The following GAS7 variants were observed in gnomAD, a reference collection of about 807,000 sequenced individuals.
GAS7 encodes growth arrest specific 7, also known as growth arrest-specific protein 7.
Under a neutral mutation model 71.1 loss-of-function variants are expected in GAS7, and 28 were observed. The observed-to-expected ratio is 0.39, with a 90% CI of 0.29 to 0.54. The LOEUF (loss-of-function observed/expected upper bound fraction) is 0.54. Among genes scored for constraint, GAS7 ranks in the 20% least tolerant of loss-of-function variants. The probability of loss-of-function intolerance (pLI) is 0.62; values close to 1 mark genes in which losing one functional copy is unlikely to be tolerated. For missense variants in GAS7, 436 were observed against 627.8 expected (o/e 0.69, Z 3.27); for synonymous variants, 258 against 245.8 (o/e 1.05, Z -0.46).
chr17:9,930,790 G>A (rs557204618), intron 9 of GAS7, among the ~76,000 whole-genome samples: 1 of 152,328 alleles, frequency 6.6e-6, no homozygotes, highest in South Asian at 2.1e-4. Context: ...ATACATCCTT[G>A]GAGCCACTTT....
At chr17:10,175,234 A>G (rs532553817) in intron 1 of GAS7, among the ~76,000 whole-genome samples, 1 of 125,292 alleles carries the variant, frequency 8.0e-6, no homozygotes, top group Admixed American at 9.0e-5. Context: ...AAAATGGGAC[A>G]AGCAAACTGT....
Position 10,103,972 on chromosome 17 carries a change from C to T in GAS7, c.184-84075G>A, listed in dbSNP as rs1301573215. 6.6e-6 allele frequency among the ~76,000 whole-genome samples: 1 copy of T among 152,164 alleles called. No individual in the cohort carries two copies. Among genetic ancestry groups the T allele is most frequent in the African/African-American group, 2.4e-5 (1 of 41,430 alleles). ...CTCCCACAACAGTAACTCCTCCTAC[C>T]AAAGGCAACTTACCTGCTTTCTACC... On this transcript the variant is annotated intron_variant, in intron 1 of 13. Transcript: ENST00000432992. This position sits in a 1 kb window ranked among gnomAD's most constrained non-coding sequence, Gnocchi z 5.5.
At chr17:10,057,042 A>G (rs981741870) in intron 1 of GAS7, among the ~76,000 whole-genome samples, 57 of 152,172 alleles carry the variant, frequency 3.7e-4, no homozygotes, top group African/African-American at 1.3e-3. Flanking sequence ...GTGATCTGCC[A>G]GCCTCGGCCT....
chr17:10,183,269 C>T (rs2074429373), intron 1 of GAS7, among the ~76,000 whole-genome samples: 1 of 152,094 alleles, frequency 6.6e-6, no homozygotes, highest in Non-Finnish European at 1.5e-5. Context: ...TCATAAGACT[C>T]ACAAGTGATT....
rs771516970 is a variant in GAS7, at chr17:9,969,601, T to C, written c.471+76A>G. ...TGGGCTGCAGCCACCTGGACTCCCA[T>C]GATGGACTTTGTAATGCAGTTTCCT... On this transcript the variant is annotated intron_variant, in intron 4 of 13. Transcript: ENST00000432992. This position sits in a 1 kb window ranked among gnomAD's most constrained non-coding sequence, Gnocchi z 5.5. The C allele has an allele frequency of 9.2e-4, 816 of 891,286 alleles. 3 individuals carry two copies. The highest frequency in any genetic ancestry group is 1.4e-3 in the Non-Finnish European group (734 of 530,988). 55.2% of individuals were successfully genotyped at this position (891,286 alleles called of 1,614,324 possible).
chr17:9,925,331 G>GTA, intron 11 of GAS7, 145 bp downstream of exon 11: 1 of 782,226 alleles, frequency 1.3e-6, no homozygotes, highest in East Asian at 2.5e-5. Context: ...GGAAGAGGGG[G>GTA]TACCTCCTGG....
chr17:10,006,393 G>A (rs926294591), intron 2 of GAS7, among the ~76,000 whole-genome samples: 62 of 137,488 alleles, frequency 4.5e-4, no homozygotes, highest in Admixed American at 4.1e-3. Flanking sequence ...GCAGTGGCGC[G>A]ATCTCGGCTC....
At chr17:10,015,511 G>A (rs2071958417) in intron 2 of GAS7, among the ~76,000 whole-genome samples, 1 of 152,156 alleles carries the variant, frequency 6.6e-6, no homozygotes, top group South Asian at 2.1e-4. Context: ...GCAGTGAGGA[G>A]GCACAAGCTC....
At chr17:10,048,519 C>T (rs138406145) in intron 1 of GAS7, among the ~76,000 whole-genome samples, 1,529 of 152,272 alleles carry the variant, frequency 0.01, 19 homozygotes, top group South Asian at 0.036. Context: ...CCTGGCATCA[C>T]CCCTTGGAAA....
chr17:10,146,354 G>A (rs1370734295), intron 1 of GAS7, among the ~76,000 whole-genome samples: 2 of 152,218 alleles, frequency 1.3e-5, no homozygotes, highest in Non-Finnish European at 2.9e-5. Context: ...CAGCCCTGGA[G>A]AGCAAGTCCT....
intron 1 of GAS7, among the ~76,000 whole-genome samples, chr17:10,078,548 T>C (rs1005113467): frequency 1.3e-5 from 2 of 152,212 alleles, no homozygotes; most frequent in Non-Finnish European, 2.9e-5. Flanking sequence ...TCAGTTGTAA[T>C]TTACACTGGC....
chr17:10,005,324 T>TACACACAC (rs1488449808), intron 2 of GAS7, among the ~76,000 whole-genome samples: 6 of 146,570 alleles, frequency 4.1e-5, no homozygotes, highest in African/African-American at 1.6e-4. Flanking sequence ...CACACATATA[T>TACACACAC]ATATACACAC....
chr17:9,961,322 G>A (rs1567826421), intron 4 of GAS7, among the ~76,000 whole-genome samples: 1 of 152,174 alleles, frequency 6.6e-6, no homozygotes, highest in African/African-American at 2.4e-5. Context: ...TACATGGCAG[G>A]AGGTACCAGT....
At chr17:10,037,110 C>T (rs902398490) in intron 1 of GAS7, among the ~76,000 whole-genome samples, 3 of 152,212 alleles carry the variant, frequency 2.0e-5, no homozygotes, top group Non-Finnish European at 2.9e-5. Context: ...TCCAGAGGGG[C>T]GAGATGAAGG....
chr17:10,026,350 A>G lies in GAS7; in HGVS notation c.184-6453T>C. 1 of 932,814 alleles carries G rather than the reference A, an allele frequency of 1.1e-6. No homozygotes were observed. Among genetic ancestry groups the G allele is most frequent in the African/African-American group, 1.8e-5 (1 of 56,312 alleles). 57.8% of individuals were successfully genotyped at this position (932,814 alleles called of 1,614,324 possible). A position where few individuals can be genotyped will look rare whatever the true frequency, so the allele number is the denominator to read the frequency against. ...CCCCACTCCCCCCACACCCAGATCT[A>G]TATATAACAGCTCTGAAGTTGTCAG... On this transcript the variant is annotated intron_variant, in intron 1 of 13. Coordinates refer to ENST00000432992, the MANE Select transcript of GAS7 (RefSeq NM_201433.2). This position sits in a 1 kb window ranked among gnomAD's most constrained non-coding sequence, Gnocchi z 4.5.
chr17:10,036,942 G>C (rs1312585365), intron 1 of GAS7, among the ~76,000 whole-genome samples: 1 of 152,216 alleles, frequency 6.6e-6, no homozygotes, highest in African/African-American at 2.4e-5. Flanking sequence ...AGCCCTGCTG[G>C]AGAATGTTTT....
In GAS7 at chr17:10,034,349, C is replaced by G. The variant is rs77061659; in HGVS notation, c.184-14452G>C. On this transcript the variant is annotated intron_variant, in intron 1 of 13. Coordinates refer to ENST00000432992, the MANE Select transcript of GAS7 (RefSeq NM_201433.2). This position sits in a 1 kb window ranked among gnomAD's most constrained non-coding sequence, Gnocchi z 4.4. ...TTTTTTAGACAGTCTTGCTGTGTCA[C>G]CCAGGCTGGAGTGCAGTGGCGTGAT... The G allele has an allele frequency of 9.0e-6, 4 of 442,378 alleles. No individual in the cohort carries two copies. The highest frequency in any genetic ancestry group is 6.5e-5 in the Admixed American group (1 of 15,486). The allele number at this position is 442,378 out of a possible 1,614,324, so 27.4% of individuals were successfully genotyped here. A position where few individuals can be genotyped will look rare whatever the true frequency, so the allele number is the denominator to read the frequency against.
intron 1 of GAS7, among the ~76,000 whole-genome samples, chr17:10,132,493 C>T (rs1266927321): frequency 2.6e-5 from 4 of 152,174 alleles, no homozygotes; most frequent in African/African-American, 7.2e-5. Flanking sequence ...TGGCCAGGCA[C>T]GGTGGCTCAT....
At chr17:10,054,366 C>G (rs892246934) in intron 1 of GAS7, among the ~76,000 whole-genome samples, 1 of 152,108 alleles carries the variant, frequency 6.6e-6, no homozygotes, top group African/African-American at 2.4e-5. Context: ...TACTTATCAT[C>G]AGCATATTGT....
Sources: allele counts gnomAD v4.1 joint callset (sites outside exome capture counted in the v4.1 genomes callset), GRCh38; gene constraint gnomAD v4.1.1; non-coding constraint Gnocchi (gnomAD v3.1); transcripts MANE v1.5; gene names NCBI Gene and HGNC (gene_info 2026-07-23, HGNC 2026-07-21).